The following GBE1 variants were observed in gnomAD, a reference collection of about 807,000 sequenced individuals.
GBE1 encodes 1,4-alpha-glucan-branching enzyme.
A neutral mutation model predicts 88.8 loss-of-function variants in GBE1; 70 were observed. The observed-to-expected ratio is 0.79, with a 90% CI of 0.65 to 0.96. The LOEUF (loss-of-function observed/expected upper bound fraction) is 0.96, where lower values mean the gene tolerates loss of function less well. GBE1 is among the 40% of genes least tolerant of loss of function. The pLI is 0.00. For synonymous variants in GBE1, 284 were observed against 300.1 expected (o/e 0.95, Z 0.56); for missense variants, 872 against 871.0 (o/e 1.00, Z -0.01).
intron 15 of GBE1, 140 bp downstream of exon 15, chr3:81,498,970 T>C: frequency 1.6e-6 from 1 of 608,770 alleles, no homozygotes; most frequent in East Asian, 2.8e-5. Context: ...TGGCCAAGCG[T>C]AGTCCCCTCT....
At chr3:81,524,254 G>C (rs1173405838) in intron 14 of GBE1, among the ~76,000 whole-genome samples, 1 of 151,846 alleles carries the variant, frequency 6.6e-6, no homozygotes, top group Non-Finnish European at 1.5e-5. Flanking sequence ...CAGTGATGCT[G>C]AGCACCTTTC....
chr3:81,683,448 A>T (rs1312929639), intron 2 of GBE1, among the ~76,000 whole-genome samples: 1 of 152,202 alleles, frequency 6.6e-6, no homozygotes, highest in African/African-American at 2.4e-5. Flanking sequence ...CTCAGGATGG[A>T]TAGCTGAAGA....
At chr3:81,676,234 G>A (rs918901333) in intron 2 of GBE1, among the ~76,000 whole-genome samples, 4 of 152,100 alleles carry the variant, frequency 2.6e-5, no homozygotes, top group South Asian at 2.1e-4. Context: ...GAGTAGGCAC[G>A]CCTAGCCCCC....
intron 3 of GBE1, among the ~76,000 whole-genome samples, chr3:81,657,513 T>A (rs1218325048): frequency 1.3e-5 from 2 of 152,140 alleles, no homozygotes; most frequent in Non-Finnish European, 2.9e-5. Flanking sequence ...TAATGGGGAA[T>A]TAAAATAAAG....
At chr3:81,551,556 C>G (rs1417520745) in intron 12 of GBE1, among the ~76,000 whole-genome samples, 4 of 152,158 alleles carry the variant, frequency 2.6e-5, no homozygotes, top group Non-Finnish European at 4.4e-5. Flanking sequence ...TCAATGCAAC[C>G]ATTTTCCTCT....
intron 9 of GBE1, among the ~76,000 whole-genome samples, chr3:81,588,920 T>A (rs1703836646): frequency 6.6e-6 from 1 of 152,094 alleles, no homozygotes; most frequent in Admixed American, 6.6e-5. Flanking sequence ...GTAACAATCA[T>A]ATAGTCTTGA....
intron 1 of GBE1, among the ~76,000 whole-genome samples, 171 bp downstream of exon 1, chr3:81,761,204 C>T (rs994210608): frequency 2.0e-5 from 3 of 152,246 alleles, no homozygotes; most frequent in African/African-American, 2.4e-5. Flanking sequence ...CCTGCCACTA[C>T]GGAAGCCACA....
In GBE1 at chr3:81,733,856, T is replaced by C. The variant is rs1261389764; in HGVS notation, c.143+27519A>G. On this transcript the variant is annotated intron_variant, in intron 1 of 15. Coordinates refer to ENST00000429644, the MANE Select transcript of GBE1 (RefSeq NM_000158.4). This position sits in a 1 kb window ranked among gnomAD's most constrained non-coding sequence, Gnocchi z 4.0. ...TGTTCACACCTATATTCCAATTATC[T>C]ACAACAGTACCTGGCTCATAGTAAA... 6.6e-6 allele frequency among the ~76,000 whole-genome samples: 1 copy of C among 152,194 alleles called. No individual in the cohort carries two copies. Among genetic ancestry groups the C allele is most frequent in the African/African-American group, 2.4e-5 (1 of 41,456 alleles).
chr3:81,737,243 TTA>T (rs199884237), intron 1 of GBE1, among the ~76,000 whole-genome samples: 10,080 of 144,384 alleles, frequency 0.07, 686 homozygotes, highest in African/African-American at 0.17. Context: ...AAATGAATAT[TTA>T]TATATATATT....
At chr3:81,757,499 C>A (rs1706619028) in intron 1 of GBE1, among the ~76,000 whole-genome samples, 1 of 152,102 alleles carries the variant, frequency 6.6e-6, no homozygotes, top group Non-Finnish European at 1.5e-5. Context: ...TTTCTGTAAA[C>A]CATACTAGAG....
intron 14 of GBE1, among the ~76,000 whole-genome samples, chr3:81,526,220 T>C (rs181129546): frequency 6.6e-6 from 1 of 152,218 alleles, no homozygotes; most frequent in African/African-American, 2.4e-5. Context: ...CCACAGATTC[T>C]GGTATGTTGT....
At chr3:81,562,622 T>C (rs555785225) in intron 12 of GBE1, among the ~76,000 whole-genome samples, 185 of 152,202 alleles carry the variant, frequency 1.2e-3, no homozygotes, top group Admixed American at 5.3e-3. Context: ...TGCACTGCCT[T>C]GCTCTGAGTA....
At chr3:81,530,235 T>C (rs62265412) in intron 14 of GBE1, among the ~76,000 whole-genome samples, 21,221 of 151,976 alleles carry the variant, frequency 0.14, 1,780 homozygotes, top group Non-Finnish European at 0.2. Context: ...CTCTGTTAAA[T>C]TGCATTTCAC....
chr3:81,726,435 A>G (rs1706112935), intron 1 of GBE1, among the ~76,000 whole-genome samples: 1 of 152,226 alleles, frequency 6.6e-6, no homozygotes, highest in Non-Finnish European at 1.5e-5. Flanking sequence ...TGGGACTCTC[A>G]GTGTAACAGG....
At chr3:81,748,738 A>T (rs1575776475) in intron 1 of GBE1, among the ~76,000 whole-genome samples, 1 of 150,382 alleles carries the variant, frequency 6.6e-6, no homozygotes, top group African/African-American at 2.5e-5. Flanking sequence ...GGCCGGGCGC[A>T]GTGGCTCAGC....
chr3:81,569,558 T>G (rs1441281014), intron 12 of GBE1, among the ~76,000 whole-genome samples: 2 of 152,198 alleles, frequency 1.3e-5, no homozygotes, highest in African/African-American at 4.8e-5. Flanking sequence ...TGGCCATAAC[T>G]GCTGGTCACA....
At chr3:81,691,764 C>A (rs1183899812) in intron 2 of GBE1, among the ~76,000 whole-genome samples, 1 of 151,936 alleles carries the variant, frequency 6.6e-6, no homozygotes, top group Non-Finnish European at 1.5e-5. Flanking sequence ...CAGAGCAAGA[C>A]CAGGTCTCAA....
At chr3:81,544,650 T>C (rs1703182263) in intron 12 of GBE1, among the ~76,000 whole-genome samples, 2 of 152,300 alleles carry the variant, frequency 1.3e-5, no homozygotes, top group South Asian at 4.1e-4. Context: ...TCTACCAAGT[T>C]CCTTCTCTCT....
chr3:81,608,764 T>C (rs1475637117), intron 7 of GBE1, among the ~76,000 whole-genome samples: 1 of 152,186 alleles, frequency 6.6e-6, no homozygotes, highest in African/African-American at 2.4e-5. Flanking sequence ...GCTTTATCCA[T>C]ATAATCATAT....
Sources: allele counts gnomAD v4.1 joint callset (sites outside exome capture counted in the v4.1 genomes callset), GRCh38; gene constraint gnomAD v4.1.1; non-coding constraint Gnocchi (gnomAD v3.1); transcripts MANE v1.5; gene names NCBI Gene and HGNC (gene_info 2026-07-23, HGNC 2026-07-21).